Variants in CLEC4C observed in about 807,000 individuals in gnomAD.
The protein encoded by CLEC4C is C-type lectin domain family 4 member C.
CLEC4C carries 17 observed loss-of-function variants against 27.7 expected under a neutral mutation model. The observed-to-expected ratio is 0.61, with a 90% CI of 0.42 to 0.92. The LOEUF (loss-of-function observed/expected upper bound fraction) is 0.92, where lower values mean the gene tolerates loss of function less well. Among genes scored for constraint, CLEC4C ranks in the 40% least tolerant of loss-of-function variants. The pLI is 0.00. For missense variants in CLEC4C, 244 were observed against 257.3 expected, an observed-to-expected ratio of 0.95 and a Z score of 0.35; for synonymous variants, 80 against 80.8, an observed-to-expected ratio of 0.99 and a Z score of 0.06.
Position 7,729,410 on chromosome 12 carries a change from GAATAAAT to G in CLEC4C, c.*179_*185del. On this transcript the variant is annotated 3_prime_UTR_variant, in exon 6 of 6. Transcript: ENST00000360345. The stretch of plus-strand genomic sequence containing the variant: ...TTCACTAAACACTCATTTTATGAAT[GAATAAAT>G]GAATAAATGAATAAATGAATGTGTG... 6.0e-6 allele frequency: 1 copy of G among 165,876 alleles called. No individual in the cohort carries two copies. Among genetic ancestry groups the G allele is most frequent in the Non-Finnish European group, 1.1e-5 (1 of 94,056 alleles). The allele number at this position is 165,876 out of a possible 1,614,324, so 10.3% of individuals were successfully genotyped here.
rs762190907 is a variant in CLEC4C, at chr12:7,730,837, A to G, written c.457T>C (p.Trp153Arg). 2 of 1,610,066 alleles carry G rather than the reference A, an allele frequency of 1.2e-6. No homozygotes were observed. The highest frequency in any genetic ancestry group is 2.7e-5 in the African/African-American group (2 of 74,940). Residue 153 changes from tryptophan (W) to arginine (R), a missense_variant, in exon 5 of 6, where the codon TGG becomes CGG. Transcript: ENST00000360345. ...GLSDPGGRRHWQWVDQTPYNE... is the reference protein window; with the variant it reads ...GLSDPGGRRHRQWVDQTPYNE... ...TATGGTGTCTGGTCAACCCATTGCC[A>G]ATGTCGCCGACCCCCTGGATCTGAC...
chr12:7,747,244 A>T, intron 1 of CLEC4C, 74 bp downstream of exon 1: 1 of 1,310,040 alleles, frequency 7.6e-7, no homozygotes, highest in Non-Finnish European at 1.1e-6. Context: ...AGTCATCCCT[A>T]TCACCTCAAT....
chr12:7,730,674 C>T, intron 5 of CLEC4C, 123 bp downstream of exon 5: 5 of 509,128 alleles, frequency 9.8e-6, no homozygotes, highest in Non-Finnish European at 1.8e-5. Context: ...CCCTTGATGT[C>T]AAATAGACCT....
At position 7,730,389 on chromosome 12, in the gene CLEC4C, T is replaced by A. The variant is rs150152747; in HGVS notation, c.497+408A>T. Reference sequence around the variant, plus strand: ...GGGATGGTGGCTCACACCTGTAATCTCAGCACTTTGGGAGGCCAAGGCAGG... The same window carrying A: ...GGGATGGTGGCTCACACCTGTAATCACAGCACTTTGGGAGGCCAAGGCAGG... On this transcript the variant is annotated intron_variant, in intron 5 of 5. Transcript: ENST00000360345. Among the ~76,000 whole-genome samples, 197 of 152,210 alleles carry A rather than the reference T, an allele frequency of 1.3e-3. 2 individuals are homozygous for A. The highest frequency in any genetic ancestry group is 4.4e-3 in the African/African-American group (181 of 41,544).
At chr12:7,739,792 A>G (rs1007418587) in intron 3 of CLEC4C, among the ~76,000 whole-genome samples, 4 of 151,186 alleles carry the variant, frequency 2.6e-5, no homozygotes, top group African/African-American at 9.7e-5. Flanking sequence ...TGATCCTCCC[A>G]CCTCAGCCTC....
At chr12:7,737,367 AG>A in intron 4 of CLEC4C, 61 bp downstream of exon 4, 11 of 1,314,182 alleles carry the variant, frequency 8.4e-6, no homozygotes, top group Non-Finnish European at 1.0e-5. Context: ...GGCAATAAAA[AG>A]ACTCTTTATC....
chr12:7,739,431 T>G (rs1235675624), intron 3 of CLEC4C, among the ~76,000 whole-genome samples: 2 of 151,136 alleles, frequency 1.3e-5, no homozygotes, highest in Non-Finnish European at 2.9e-5. Flanking sequence ...TTGAAATAAT[T>G]GTTTGATGCC....
intron 2 of CLEC4C, among the ~76,000 whole-genome samples, chr12:7,743,863 T>C (rs1252507918): frequency 6.6e-6 from 1 of 152,160 alleles, no homozygotes; most frequent in African/African-American, 2.4e-5. Context: ...GAAAAGACAT[T>C]TTACTGGCTC....
intron 2 of CLEC4C, 59 bp downstream of exon 2, chr12:7,746,272 T>A (rs1592100598): frequency 1.0e-6 from 1 of 955,460 alleles, no homozygotes; most frequent in South Asian, 1.5e-5. Flanking sequence ...TTCAGGAAAT[T>A]GATAAAATGT....
chr12:7,730,892 C>T lies in CLEC4C; in HGVS notation c.402G>A (p.Leu134=), dbSNP rs267603691. Residue 134 remains leucine (L), a synonymous_variant, in exon 5 of 6, where the codon CTG becomes CTA. Transcript: ENST00000360345. ...CCAGAAAATAAGAAGAATTTCTTTTCAGATTCTGAATGATGAAATCCTGAG... is the reference window on the plus strand; with the variant it reads ...CCAGAAAATAAGAAGAATTTCTTTTTAGATTCTGAATGATGAAATCCTGAG... ...REEQDFIIQN[L]KRNSSYFLGL... The T allele has an allele frequency of 6.3e-7, 1 of 1,597,624 alleles. No homozygotes were observed. The highest frequency in any genetic ancestry group is 8.6e-7 in the Non-Finnish European group (1 of 1,165,704).
At chr12:7,741,609 C>T (rs1270542494) in intron 2 of CLEC4C, 78 bp from the exon 3 acceptor site, 5 of 818,882 alleles carry the variant, frequency 6.1e-6, no homozygotes, top group Non-Finnish European at 8.4e-6. Flanking sequence ...ATGCTGTGGA[C>T]AGGCACAGTG....
Position 7,730,862 on chromosome 12 carries a change from C to T in CLEC4C, c.432G>A (p.Leu144=). 6.2e-7 allele frequency: 1 copy of T among 1,610,534 alleles called. No homozygotes were observed. The highest frequency in any genetic ancestry group is 8.5e-7 in the Non-Finnish European group (1 of 1,177,044). Residue 144 remains leucine (L), a synonymous_variant, in exon 5 of 6, where the codon CTG becomes CTA. Coordinates refer to ENST00000360345, the MANE Select transcript of CLEC4C (RefSeq NM_001371390.1). ...LKRNSSYFLG[L]SDPGGRRHWQ... The stretch of plus-strand genomic sequence containing the variant: ...AATGTCGCCGACCCCCTGGATCTGA[C>T]AGCCCCAGAAAATAAGAAGAATTTC...
At chr12:7,748,742 T>C (rs1055579946), upstream of CLEC4C, among the ~76,000 whole-genome samples, 15 of 152,072 alleles carry the variant, frequency 9.9e-5, no homozygotes, top group African/African-American at 3.1e-4. Flanking sequence ...ATGTAGAGTA[T>C]GAGGGTATTC....
upstream of CLEC4C, among the ~76,000 whole-genome samples, chr12:7,748,935 T>C (rs1276619872): frequency 6.6e-6 from 1 of 152,210 alleles, no homozygotes; most frequent in Non-Finnish European, 1.5e-5. Flanking sequence ...ACCAGAGTAT[T>C]GCAAAAGCTA....
intron 4 of CLEC4C, among the ~76,000 whole-genome samples, chr12:7,732,617 G>C (rs1864623402): frequency 6.6e-6 from 1 of 151,780 alleles, no homozygotes; most frequent in South Asian, 2.1e-4. Flanking sequence ...CTTCCAAAGT[G>C]CTGGGATTAC....
chr12:7,735,515 A>AG lies in CLEC4C; in HGVS notation c.381+1913_381+1914insC, dbSNP rs1438944425. Among the ~76,000 whole-genome samples the AG allele has an allele frequency of 9.9e-4, 149 of 150,174 alleles. 1 individual carries two copies. The highest frequency in any genetic ancestry group is 7.5e-3 in the Admixed American group (112 of 14,970). ...AAGACTCTGTCTCAAAGAAAAAAAA[A>AG]AAAAAAAACGGCCAGGCACGGTGGC... On this transcript the variant is annotated intron_variant, in intron 4 of 5. Coordinates refer to ENST00000360345, the MANE Select transcript of CLEC4C (RefSeq NM_001371390.1).
chr12:7,742,354 A>C (rs1329429529), intron 2 of CLEC4C, among the ~76,000 whole-genome samples: 13 of 151,504 alleles, frequency 8.6e-5, no homozygotes, highest in Non-Finnish European at 1.9e-4. Flanking sequence ...TTCTACTAAA[A>C]ATACAAAAAT....
At chr12:7,736,779 G>A (rs1282445342) in intron 4 of CLEC4C, among the ~76,000 whole-genome samples, 2 of 152,060 alleles carry the variant, frequency 1.3e-5, no homozygotes, top group South Asian at 2.1e-4. Flanking sequence ...CGTGGTGGCA[G>A]GTGCCTGTAG....
intron 3 of CLEC4C, among the ~76,000 whole-genome samples, chr12:7,740,669 C>A (rs1362114080): frequency 6.6e-6 from 1 of 150,506 alleles, no homozygotes; most frequent in Non-Finnish European, 1.5e-5. Flanking sequence ...CCACTGCACT[C>A]CAGCCTGGGC....
Sources: gnomAD v4.1 joint callset for allele counts (sites outside exome capture counted in the v4.1 genomes callset) on GRCh38, gnomAD v4.1.1 for gene constraint, MANE v1.5 for transcripts, NCBI Gene and HGNC (gene_info 2026-07-23, HGNC 2026-07-21) for gene names.